Variants in ZNF721 observed in about 807,000 individuals in gnomAD.
ZNF721 encodes zinc finger protein 721.
ZNF721 carries 2 observed loss-of-function variants against 2.4 expected under a neutral mutation model. That is an observed-to-expected ratio of 0.82 (90% CI 0.34 to 2.58). ZNF721 has a LOEUF of 2.58. Among genes scored for constraint, ZNF721 ranks in the 30% most tolerant of loss-of-function variants. The probability of loss-of-function intolerance (pLI) is 0.11; values close to 1 mark genes in which losing one functional copy is unlikely to be tolerated. For missense variants in ZNF721, 1,187 were observed against 1,085.5 expected, an observed-to-expected ratio of 1.09 and a Z score of -1.31; for synonymous variants, 398 against 381.8, an observed-to-expected ratio of 1.04 and a Z score of -0.50.
rs1296030307 is a variant in ZNF721, at chr4:479,422, T to G, written c.-93-6721A>C. On this transcript the variant is annotated intron_variant, in intron 1 of 2. Coordinates refer to ENST00000511833, the MANE Select transcript of ZNF721 (RefSeq NM_133474.4). ...AACACCTCCTCCTTATTCTCATGGTTGGGCACATGGATCCCTAGAGGCACA... is the reference window on the plus strand; with the variant it reads ...AACACCTCCTCCTTATTCTCATGGTGGGGCACATGGATCCCTAGAGGCACA... Among the ~76,000 whole-genome samples the G allele has an allele frequency of 3.3e-5, 5 of 152,166 alleles. No individual in the cohort carries two copies. The East Asian group carries it at 9.6e-4, about 29-fold the overall frequency.
At chr4:448,198 T>G (rs1714537706) in intron 2 of ZNF721, among the ~76,000 whole-genome samples, 1 of 152,092 alleles carries the variant, frequency 6.6e-6, no homozygotes, top group Non-Finnish European at 1.5e-5. Context: ...ATTCAAATTT[T>G]ACAGATTTCT....
At chr4:493,171 T>TA (rs79248295) in intron 1 of ZNF721, among the ~76,000 whole-genome samples, 55,363 of 131,738 alleles carry the variant, frequency 0.42, 11,327 homozygotes, top group African/African-American at 0.54. Context: ...ACTGAGACAG[T>TA]AAAAAAAAAA....
chr4:459,001 C>G (rs1714935202), intron 2 of ZNF721, among the ~76,000 whole-genome samples: 1 of 152,158 alleles, frequency 6.6e-6, no homozygotes, highest in Non-Finnish European at 1.5e-5. Context: ...GGCCAATATT[C>G]AACATTCTTA....
chr4:473,924 G>A, intron 1 of ZNF721: 1 of 1,494,250 alleles, frequency 6.7e-7, no homozygotes, highest in Non-Finnish European at 9.0e-7. Flanking sequence ...GCCGCCATTT[G>A]CCGCCGGTTC....
chr4:482,644 C>A (rs1416793536), intron 1 of ZNF721, among the ~76,000 whole-genome samples: 1 of 151,672 alleles, frequency 6.6e-6, no homozygotes, highest in Non-Finnish European at 1.5e-5. Flanking sequence ...CTACAAGCGC[C>A]CGCCACCATG....
intron 1 of ZNF721, among the ~76,000 whole-genome samples, chr4:494,081 AAGC>A (rs1553871872): frequency 6.6e-6 from 1 of 152,110 alleles, no homozygotes; most frequent in African/African-American, 2.4e-5. Context: ...ATTTTTCTTT[AAGC>A]CAATTAATTA....
intron 2 of ZNF721, among the ~76,000 whole-genome samples, chr4:465,130 C>G (rs1715204237): frequency 6.7e-6 from 1 of 149,508 alleles, no homozygotes; most frequent in African/African-American, 2.5e-5. Flanking sequence ...TGCCTGTAAA[C>G]CTAGCACTTT....
At chr4:463,244 A>T (rs1302508602) in intron 2 of ZNF721, among the ~76,000 whole-genome samples, 1 of 150,328 alleles carries the variant, frequency 6.7e-6, no homozygotes, top group South Asian at 2.1e-4. Context: ...ATCATTAAGA[A>T]GTCAGGAAAC....
intron 2 of ZNF721, among the ~76,000 whole-genome samples, chr4:463,427 A>C (rs868964328): frequency 3.3e-5 from 5 of 152,232 alleles, no homozygotes; most frequent in African/African-American, 1.2e-4. Flanking sequence ...AAGGATTATA[A>C]ATCATTCTAC....
At chr4:488,926 T>C (rs142012731) in intron 1 of ZNF721, among the ~76,000 whole-genome samples, 120 of 152,112 alleles carry the variant, frequency 7.9e-4, no homozygotes, top group African/African-American at 2.7e-3. Flanking sequence ...AGGGAGGGTC[T>C]CAGGAGAGGA....
chr4:493,142 C>T (rs1716067104), intron 1 of ZNF721, among the ~76,000 whole-genome samples: 1 of 148,636 alleles, frequency 6.7e-6, no homozygotes, highest in Non-Finnish European at 1.5e-5. Context: ...AGTTGTGAAA[C>T]CGCCATTGCA....
At chr4:450,621 CAT>C (rs1185969709) in intron 2 of ZNF721, among the ~76,000 whole-genome samples, 1 of 151,506 alleles carries the variant, frequency 6.6e-6, no homozygotes, top group Non-Finnish European at 1.5e-5. Flanking sequence ...GCTTTAATTA[CAT>C]GCTTACACAT....
At position 443,532 on chromosome 4, in the gene ZNF721, T is replaced by C; in HGVS notation, c.935A>G (p.Lys312Arg). 1 of 1,613,728 alleles carries C rather than the reference T, an allele frequency of 6.2e-7. No homozygotes were observed. Among genetic ancestry groups the C allele is most frequent in the African/African-American group, 1.3e-5 (1 of 74,960 alleles). The change falls in exon 3 of 3, where the codon AAA becomes AGA. Residue 312 changes from lysine to arginine, a missense_variant. Physicochemically the swap from Lys to Arg is conservative, Grantham distance 26. Coordinates refer to ENST00000511833, the MANE Select transcript of ZNF721 (RefSeq NM_133474.4). Reference sequence around the variant, plus strand: ...AAGGTTTGCGGACTGTCTAAAGGCTTTGCCACATACTTCACATGTGTAGGG... The same window carrying C: ...AAGGTTTGCGGACTGTCTAAAGGCTCTGCCACATACTTCACATGTGTAGGG... ...EKPYTCEVCGKAFRQSANLYV... is the reference protein window; with the variant it reads ...EKPYTCEVCGRAFRQSANLYV...
At chr4:450,030 ACT>A (rs1217561261) in intron 2 of ZNF721, among the ~76,000 whole-genome samples, 3 of 152,238 alleles carry the variant, frequency 2.0e-5, no homozygotes, top group African/African-American at 7.2e-5. Context: ...GTATTTTAAC[ACT>A]GTTTCTTTGA....
Position 443,901 on chromosome 4 carries a change from C to T in ZNF721, c.566G>A (p.Arg189Lys), listed in dbSNP as rs1553863777. ...ATCTTCACCTGTGTAAGCTTTCTCT[C>T]TGTTGTGAATTCTCTTATGTGCAGT... ...NLTAHKRIHN[R>K]EKAYTGEDRD... Residue 189 changes from arginine to lysine, a missense_variant, in exon 3 of 3, where the codon AGA (arginine) becomes AAA (lysine). Transcript: ENST00000511833. The T allele has an allele frequency of 1.2e-6, 2 of 1,614,086 alleles. No homozygotes were observed. Among genetic ancestry groups the T allele is most frequent in the Non-Finnish European group, 1.7e-6 (2 of 1,179,996 alleles).
chr4:465,696 A>G (rs1207424386), intron 2 of ZNF721, among the ~76,000 whole-genome samples: 2 of 151,784 alleles, frequency 1.3e-5, no homozygotes, highest in Non-Finnish European at 2.9e-5. Flanking sequence ...GGCCTCCCAA[A>G]GTGCTGGGAT....
intron 2 of ZNF721, among the ~76,000 whole-genome samples, chr4:458,411 A>G (rs547431696): frequency 2.6e-5 from 4 of 152,290 alleles, no homozygotes; most frequent in African/African-American, 9.6e-5. Context: ...TACCTCCCCA[A>G]ACTAGTCTAT....
chr4:498,479 G>A (rs1553873169), intron 1 of ZNF721, among the ~76,000 whole-genome samples: 1 of 152,010 alleles, frequency 6.6e-6, no homozygotes, highest in African/African-American at 2.4e-5. Flanking sequence ...TAGTAATTTT[G>A]GGGCCCCAAG....
chr4:450,956 AATATATATATATATATATATAT>A (rs71166812), intron 2 of ZNF721, among the ~76,000 whole-genome samples: 1 of 63,756 alleles, frequency 1.6e-5, no homozygotes, highest in Non-Finnish European at 2.6e-5. Flanking sequence ...AAAAAAAAAA[AATATATATATATATATATATAT>A]ATATATATAT....
Sources: allele counts gnomAD v4.1 joint callset (sites outside exome capture counted in the v4.1 genomes callset), GRCh38; gene constraint gnomAD v4.1.1; transcripts MANE v1.5; gene names NCBI Gene and HGNC (gene_info 2026-07-23, HGNC 2026-07-21).